Variants in SLC44A5 observed in about 807,000 individuals in gnomAD.
SLC44A5 encodes the protein choline transporter-like protein 5.
In SLC44A5, 57 loss-of-function variants were observed where a neutral mutation model predicts 101.8. That is an observed-to-expected ratio of 0.56 (90% CI 0.45 to 0.70). The LOEUF is 0.70. Among genes scored for constraint, SLC44A5 ranks in the 30% least tolerant of loss-of-function variants. The pLI, the probability that SLC44A5 is intolerant of heterozygous loss-of-function variation, is 0.00. For synonymous variants in SLC44A5, 281 were observed against 290.9 expected (o/e 0.97, Z 0.35); for missense variants, 737 against 853.1 (o/e 0.86, Z 1.70).
intron 5 of SLC44A5, among the ~76,000 whole-genome samples, chr1:75,298,835 AC>A (rs1285538341): frequency 6.6e-6 from 1 of 152,202 alleles, no homozygotes; most frequent in Non-Finnish European, 1.5e-5. Context: ...ACAAACTACT[AC>A]CCAGAACTGT....
At chr1:75,615,241 G>C (rs1194381964), upstream of SLC44A5, among the ~76,000 whole-genome samples, 1 of 151,998 alleles carries the variant, frequency 6.6e-6, no homozygotes, top group Non-Finnish European at 1.5e-5. Flanking sequence ...GACTCGGCCG[G>C]TAGCAAGTCC....
In SLC44A5 at chr1:75,373,044, T is replaced by G. The variant is rs544711127; in HGVS notation, c.52+23539A>C. 2.0e-5 allele frequency among the ~76,000 whole-genome samples: 3 copies of G among 152,322 alleles called. No homozygotes were observed. The South Asian group carries it at 6.2e-4, about 32-fold the overall frequency. On this transcript the variant is annotated intron_variant, in intron 3 of 23. Transcript: ENST00000370859. Reference sequence around the variant, plus strand: ...ATTGATGATCGTATAAATCTGAATATTGGTATTTAGAAGCAGAGTCAAAAT... The same window carrying G: ...ATTGATGATCGTATAAATCTGAATAGTGGTATTTAGAAGCAGAGTCAAAAT...
At chr1:75,505,396 G>T (rs181181978) in intron 2 of SLC44A5, among the ~76,000 whole-genome samples, 285 of 152,204 alleles carry the variant, frequency 1.9e-3, no homozygotes, top group African/African-American at 6.2e-3. Context: ...GGAATAAATT[G>T]TAGTTCCGTT....
intron 3 of SLC44A5, among the ~76,000 whole-genome samples, chr1:75,383,811 G>A (rs1661087451): frequency 1.3e-5 from 2 of 152,046 alleles, no homozygotes; most frequent in Non-Finnish European, 2.9e-5. Flanking sequence ...AGAGAGAAAG[G>A]TCGGGTTACC....
At chr1:75,334,124 A>G (rs1409586183) in intron 4 of SLC44A5, among the ~76,000 whole-genome samples, 1 of 152,136 alleles carries the variant, frequency 6.6e-6, no homozygotes, top group Non-Finnish European at 1.5e-5. Flanking sequence ...ATGTTACAGT[A>G]TTTATCACTA....
At chr1:75,689,301 G>A in the SLC44A5 span, among the ~76,000 whole-genome samples, 1 of 142,640 alleles carries the variant, frequency 7.0e-6, no homozygotes, top group Non-Finnish European at 1.6e-5. Context: ...GAGAAAGGGG[G>A]TATCAGGTTT....
chr1:75,494,135 T>C (rs1457624429), intron 2 of SLC44A5, among the ~76,000 whole-genome samples: 2 of 152,194 alleles, frequency 1.3e-5, no homozygotes, highest in African/African-American at 4.8e-5. Flanking sequence ...TGGCCCCATT[T>C]TGTCTCTTTG....
chr1:75,689,280 A>C, the SLC44A5 span, among the ~76,000 whole-genome samples: 1 of 151,604 alleles, frequency 6.6e-6, no homozygotes, highest in Non-Finnish European at 1.5e-5. Flanking sequence ...TTCAAGTCCT[A>C]AACTTCCTGG....
chr1:75,283,060 T>C (rs1046004892), intron 5 of SLC44A5, among the ~76,000 whole-genome samples: 8 of 152,218 alleles, frequency 5.3e-5, no homozygotes, highest in Admixed American at 4.6e-4. Flanking sequence ...GATCTACTTT[T>C]AGTTCTTTAA....
intron 4 of SLC44A5, among the ~76,000 whole-genome samples, chr1:75,308,284 T>G (rs2100902343): frequency 6.6e-6 from 1 of 152,348 alleles, no homozygotes; most frequent in South Asian, 2.1e-4. Context: ...TATCTTCTGA[T>G]TAGTCTTCTA....
At chr1:75,219,408 C>T in intron 15 of SLC44A5, 64 bp from the exon 16 acceptor site, 1 of 1,034,828 alleles carries the variant, frequency 9.7e-7, no homozygotes, top group Non-Finnish European at 1.5e-6. Context: ...GACAAGAAAA[C>T]AATACTGACA....
chr1:75,436,858 G>A (rs1380164347), intron 2 of SLC44A5, among the ~76,000 whole-genome samples: 1 of 151,622 alleles, frequency 6.6e-6, no homozygotes, highest in Admixed American at 6.6e-5. Flanking sequence ...ATTTTTTATT[G>A]CTTTTTTAAA....
chr1:75,448,321 C>T (rs1323636433), intron 2 of SLC44A5, among the ~76,000 whole-genome samples: 3 of 152,154 alleles, frequency 2.0e-5, no homozygotes, highest in African/African-American at 7.2e-5. Context: ...TGTCCATGTC[C>T]CAGCCCATGG....
chr1:75,417,858 A>C (rs1663755304), intron 2 of SLC44A5, among the ~76,000 whole-genome samples: 1 of 152,264 alleles, frequency 6.6e-6, no homozygotes, highest in African/African-American at 2.4e-5. Context: ...AAGGAGACTA[A>C]GAGGCATGTG....
intron 3 of SLC44A5, among the ~76,000 whole-genome samples, chr1:75,375,861 T>G (rs1015481886): frequency 7.2e-5 from 11 of 152,230 alleles, no homozygotes; most frequent in African/African-American, 1.9e-4. Context: ...GAACAGCTCC[T>G]GTCTACAGCT....
chr1:75,328,924 C>T (rs1359328431), intron 4 of SLC44A5, among the ~76,000 whole-genome samples: 1 of 152,178 alleles, frequency 6.6e-6, no homozygotes, highest in Non-Finnish European at 1.5e-5. Context: ...GTGTGGTATG[C>T]AGACAGCCTC....
intron 14 of SLC44A5, among the ~76,000 whole-genome samples, chr1:75,221,479 T>C (rs1647079283): frequency 6.6e-6 from 1 of 152,162 alleles, no homozygotes; most frequent in South Asian, 2.1e-4. Context: ...TTTTAAAAAA[T>C]AAAAATGACT....
chr1:75,499,356 G>T (rs1005314998), intron 2 of SLC44A5, among the ~76,000 whole-genome samples: 3 of 152,202 alleles, frequency 2.0e-5, no homozygotes, highest in Non-Finnish European at 4.4e-5. Context: ...TCACAACAGG[G>T]TTTGTGCTCC....
At chr1:75,555,349 T>G (rs919798364) in intron 1 of SLC44A5, among the ~76,000 whole-genome samples, 5 of 152,112 alleles carry the variant, frequency 3.3e-5, no homozygotes, top group African/African-American at 1.2e-4. Flanking sequence ...CTTAATTGGT[T>G]TGGTGGCTCT....
Sources: gnomAD v4.1 joint callset for allele counts (sites outside exome capture counted in the v4.1 genomes callset) on GRCh38, gnomAD v4.1.1 for gene constraint, MANE v1.5 for transcripts, NCBI Gene and HGNC (gene_info 2026-07-23, HGNC 2026-07-21) for gene names.